Variants in ELP1 observed in about 807,000 individuals in gnomAD.
ELP1 encodes elongator complex protein 1.
In ELP1, 131 loss-of-function variants were observed where a neutral mutation model predicts 183.2. That is an observed-to-expected ratio of 0.72 (90% CI 0.62 to 0.83). ELP1 has a LOEUF of 0.83. ELP1 is among the 40% of genes least tolerant of loss of function. ELP1 has a pLI of 0.00. For missense variants in ELP1, 1,550 were observed against 1,594.9 expected, an observed-to-expected ratio of 0.97 and a Z score of 0.48; for synonymous variants, 555 against 569.0, an observed-to-expected ratio of 0.98 and a Z score of 0.35.
intron 31 of ELP1, 48 bp downstream of exon 31, chr9:108,881,654 TCTC>T: frequency 8.9e-7 from 1 of 1,118,452 alleles, no homozygotes; most frequent in Non-Finnish European, 1.4e-6. Context: ...CTCATCTCTC[TCTC>T]CTCACCTTCT....
chr9:108,872,632 G>T (rs4978749), intron 36 of ELP1, among the ~76,000 whole-genome samples: 60,936 of 149,966 alleles, frequency 0.41, 14,787 homozygotes, highest in African/African-American at 0.69. Flanking sequence ...GTGAAACCCC[G>T]TCTCTACTAA....
intron 15 of ELP1, 135 bp from the exon 16 acceptor site, chr9:108,903,077 A>T (rs1300077650): frequency 3.9e-6 from 2 of 509,242 alleles, no homozygotes; most frequent in East Asian, 3.7e-5. Flanking sequence ...TTATTTATTT[A>T]TATATATATT....
rs780202201 is a variant in ELP1 at position 108,879,447 on chromosome 9, C to T, written c.3571G>A (p.Ala1191Thr). 1.9e-6 allele frequency: 3 copies of T among 1,603,190 alleles called. No individual in the cohort carries two copies. Among genetic ancestry groups the T allele is most frequent in the Non-Finnish European group, 2.6e-6 (3 of 1,170,018 alleles). The change falls in exon 33 of 37, where the codon GCG becomes ACG. Residue 1191 changes from alanine (A) to threonine (T), a missense_variant and splice_region_variant. Ala to Thr is a moderately conservative substitution (Grantham distance 58). Coordinates refer to ENST00000374647, the MANE Select transcript of ELP1 (RefSeq NM_003640.5). ...GTGCTGAATCAATGTGATACGTACG[C>T]TGATATCCTGGAGTTACTATGGGAG... ...KYSHSNSRIS[A>T]RSSKNRRKAE...
chr9:108,875,322 C>A (rs183081279), intron 35 of ELP1, among the ~76,000 whole-genome samples: 3 of 152,190 alleles, frequency 2.0e-5, no homozygotes, highest in Non-Finnish European at 2.9e-5. Flanking sequence ...ATCAATTATA[C>A]GCAAAGAGTT....
intron 17 of ELP1, 25 bp from the exon 18 acceptor site, chr9:108,901,555 T>A (rs376972806): frequency 6.2e-7 from 1 of 1,611,306 alleles, no homozygotes; most frequent in East Asian, 2.2e-5. Flanking sequence ...CAGAGAGGCA[T>A]GGGTGAAAGC....
At position 108,879,318 on chromosome 9, in the gene ELP1, C is replaced by T. The variant is rs974523259; in HGVS notation, c.3572+128G>A. ...TGCTGGGAAAGTGTCTGAACAACTT[C>T]CACACAGCGCTGAAGAATATTCTCC... On this transcript the variant is annotated intron_variant, in intron 33 of 36. Coordinates refer to ENST00000374647, the MANE Select transcript of ELP1 (RefSeq NM_003640.5). The T allele has an allele frequency of 4.0e-6, 3 of 746,892 alleles. No homozygotes were observed. In the African/African-American group the frequency reaches 5.2e-5, roughly 13 times the overall value. 46.3% of individuals were successfully genotyped at this position (746,892 alleles called of 1,614,324 possible).
At position 108,893,989 on chromosome 9, in the gene ELP1, T is replaced by C. The variant is rs1828442887; in HGVS notation, c.2814A>G (p.Lys938=). 1 of 1,612,340 alleles carries C rather than the reference T, an allele frequency of 6.2e-7. No homozygotes were observed. The highest frequency in any genetic ancestry group is 1.1e-5 in the South Asian group (1 of 91,064). ...ETNYQRFTID[K]YLKRYEKAIG... ...TGGCTTTTTCATATCGTTTCAAGTA[T>C]TTGTCTATAGTAAACCGCTGATAAT... Residue 938 remains lysine, a synonymous_variant, in exon 26 of 37, where the codon AAA becomes AAG. Transcript: ENST00000374647.
In ELP1 at chr9:108,881,777, A is replaced by G; in HGVS notation, c.3286-12T>C. The G allele has an allele frequency of 6.8e-7, 1 of 1,461,636 alleles. No homozygotes were observed. Among genetic ancestry groups the G allele is most frequent in the Admixed American group, 1.7e-5 (1 of 59,810 alleles). The allele number at this position is 1,461,636 out of a possible 1,614,324, so 90.5% of individuals were successfully genotyped here. ...TTATATTTGTATACCTAGAAGGAAAAACACAATAATTTTAGGAAGGAAAAC... is the reference window on the plus strand; with the variant it reads ...TTATATTTGTATACCTAGAAGGAAAGACACAATAATTTTAGGAAGGAAAAC... On this transcript the variant is annotated splice_polypyrimidine_tract_variant and intron_variant, in intron 30 of 36. Coordinates refer to ENST00000374647, the MANE Select transcript of ELP1 (RefSeq NM_003640.5).
At chr9:108,883,508 C>T (rs1025553606) in intron 29 of ELP1, among the ~76,000 whole-genome samples, 2 of 151,488 alleles carry the variant, frequency 1.3e-5, no homozygotes, top group Non-Finnish European at 2.9e-5. Context: ...TTTTGTTGAT[C>T]CACTTTGAGT....
At chr9:108,880,584 A>G (rs1416222746) in intron 31 of ELP1, among the ~76,000 whole-genome samples, 4 of 152,220 alleles carry the variant, frequency 2.6e-5, no homozygotes, top group African/African-American at 9.6e-5. Flanking sequence ...GAAAAAATGT[A>G]TCTAATAAAT....
In ELP1 at chr9:108,915,299, T is replaced by TA. The variant is rs1554700316; in HGVS notation, c.958+904dup. On this transcript the variant is annotated intron_variant, in intron 10 of 36. Transcript: ENST00000374647. ...TAGGCTATGGCACCCAGCTATCTGC[T>TA]AAACTCCAGATGTTGCTGTGAAGGT... 4.3e-4 allele frequency among the ~76,000 whole-genome samples: 65 copies of TA among 152,146 alleles called. 1 individual carries two copies. Among genetic ancestry groups the TA allele is most frequent in the Middle Eastern group, 3.4e-3 (1 of 294 alleles).
Position 108,869,029 on chromosome 9 carries a change from C to G in ELP1, c.*86G>C. The G allele has an allele frequency of 1.7e-6, 2 of 1,151,742 alleles. No individual in the cohort carries two copies. The highest frequency in any genetic ancestry group is 2.4e-5 in the South Asian group (2 of 81,892). The allele number at this position is 1,151,742 out of a possible 1,614,324, so 71.3% of individuals were successfully genotyped here. ...TTTTACTCTTTCCAGTTCTCAATAGCCAGCCCTCAAAGAGCAAGGGGTGGT... is the reference window on the plus strand; with the variant it reads ...TTTTACTCTTTCCAGTTCTCAATAGGCAGCCCTCAAAGAGCAAGGGGTGGT... On this transcript the variant is annotated 3_prime_UTR_variant, in exon 37 of 37. Coordinates refer to ENST00000374647, the MANE Select transcript of ELP1 (RefSeq NM_003640.5).
Position 108,908,313 on chromosome 9 carries a change from C to T in ELP1, c.1452G>A (p.Lys484=). The T allele has an allele frequency of 1.9e-6, 3 of 1,612,674 alleles. No homozygotes were observed. The highest frequency in any genetic ancestry group is 2.5e-6 in the Non-Finnish European group (3 of 1,178,644). The change falls in exon 13 of 37, where the codon AAG becomes AAA. Residue 484 remains lysine (K), a synonymous_variant. Transcript: ENST00000374647. ...GATAATTAAGAACCTACTTGTATCTCTTTTCCAAATGAGGAGTTCTAAGGC... is the reference window on the plus strand; with the variant it reads ...GATAATTAAGAACCTACTTGTATCTTTTTTCCAAATGAGGAGTTCTAAGGC... ...KVCLRTPHLE[K]RYKIQFENNE...
chr9:108,922,344 G>T (rs1315860894), intron 6 of ELP1, among the ~76,000 whole-genome samples: 1 of 152,180 alleles, frequency 6.6e-6, no homozygotes, highest in Non-Finnish European at 1.5e-5. Flanking sequence ...TACATTAGAA[G>T]ATTAAAAAGT....
In ELP1 at chr9:108,878,655, C is replaced by T. The variant is rs1192681197; in HGVS notation, c.3668G>A (p.Ser1223Asn). 1 of 1,614,256 alleles carries T rather than the reference C, an allele frequency of 6.2e-7. No individual in the cohort carries two copies. Among genetic ancestry groups the T allele is most frequent in the Non-Finnish European group, 8.5e-7 (1 of 1,180,038 alleles). ...GTTTTCAGTGTTCTGCACCACTTCA[C>T]TCAGTGCCTCCAGGAGGGCCAGGTC... The part of the protein sequence containing the change: ...LEDLALLEAL[S>N]EVVQNTENLK... The change falls in exon 34 of 37, where the codon AGT (serine) becomes AAT (asparagine). Residue 1223 changes from serine (S) to asparagine (N), a missense_variant. Coordinates refer to ENST00000374647, the MANE Select transcript of ELP1 (RefSeq NM_003640.5).
Position 108,868,090 on chromosome 9 carries a change from CTA to C in ELP1, c.*1023_*1024del, listed in dbSNP as rs1258412113. 1.3e-5 allele frequency: 2 copies of C among 152,134 alleles called. No homozygotes were observed. The allele number at this position is 152,134 out of a possible 1,614,324, so 9.4% of individuals were successfully genotyped here. A position where few individuals can be genotyped will look rare whatever the true frequency, so the allele number is the denominator to read the frequency against. ...TCGTGGTAATGAGTGAGTTTTCACT[CTA>C]TTAGTTCCTTTGAAAGCTGGTTGTT... On this transcript the variant is annotated 3_prime_UTR_variant, in exon 37 of 37. Coordinates refer to ENST00000374647, the MANE Select transcript of ELP1 (RefSeq NM_003640.5).
intron 29 of ELP1, 22 bp downstream of exon 29, chr9:108,889,310 A>C: frequency 1.9e-6 from 3 of 1,609,988 alleles, no homozygotes; most frequent in South Asian, 1.1e-5. Flanking sequence ...TGGGGGGTTT[A>C]GAAGGGAGGA....
intron 13 of ELP1, among the ~76,000 whole-genome samples, chr9:108,907,510 T>A (rs1829064492): frequency 6.6e-6 from 1 of 152,214 alleles, no homozygotes; most frequent in Non-Finnish European, 1.5e-5. Flanking sequence ...TAAGAAACAT[T>A]ATTTATTAAA....
At chr9:108,920,163 G>A (rs1737486073) in intron 6 of ELP1, among the ~76,000 whole-genome samples, 1 of 152,072 alleles carries the variant, frequency 6.6e-6, no homozygotes, top group South Asian at 2.1e-4. Flanking sequence ...GGCAAGCAGG[G>A]TATTATTGAG....
Sources: allele counts gnomAD v4.1 joint callset (sites outside exome capture counted in the v4.1 genomes callset), GRCh38; gene constraint gnomAD v4.1.1; transcripts MANE v1.5; gene names NCBI Gene and HGNC (gene_info 2026-07-23, HGNC 2026-07-21).